Variants in AP3S2 observed in about 807,000 individuals in gnomAD.
The protein encoded by AP3S2 is AP-3 complex subunit sigma-2.
A neutral mutation model predicts 23.4 loss-of-function variants in AP3S2; 22 were observed. That is an observed-to-expected ratio of 0.94 (90% confidence interval 0.67 to 1.34). AP3S2 has a LOEUF of 1.34. Ranked by LOEUF, AP3S2 falls within the 40% of genes most tolerant of loss-of-function variation. The pLI is 0.00. For missense variants in AP3S2, 241 were observed against 236.9 expected, an observed-to-expected ratio of 1.02 and a Z score of -0.11; for synonymous variants, 86 against 87.1, an observed-to-expected ratio of 0.99 and a Z score of 0.07.
intron 4 of AP3S2, among the ~76,000 whole-genome samples, chr15:89,857,864 G>C (rs1327710933): frequency 6.6e-6 from 1 of 152,136 alleles, no homozygotes; most frequent in African/African-American, 2.4e-5. Flanking sequence ...GGGAGCATGT[G>C]ACTGATTTTG....
intron 3 of AP3S2, 27 bp from the exon 4 acceptor site, chr15:89,871,573 GAA>G: frequency 1.2e-6 from 2 of 1,609,736 alleles, no homozygotes; most frequent in Non-Finnish European, 8.5e-7. Flanking sequence ...AATAGATAAA[GAA>G]GAGAAATAGG....
intron 3 of AP3S2, among the ~76,000 whole-genome samples, chr15:89,884,890 C>G (rs1896658878): frequency 6.6e-6 from 1 of 152,106 alleles, no homozygotes; most frequent in Non-Finnish European, 1.5e-5. Flanking sequence ...CCTCGTGATC[C>G]TCCTGCCTCG....
chr15:89,886,330 C>T (rs1038222861), intron 3 of AP3S2, among the ~76,000 whole-genome samples: 1 of 151,834 alleles, frequency 6.6e-6, no homozygotes, highest in African/African-American at 2.4e-5. Flanking sequence ...GGCAACAGAG[C>T]AAGACTCCAT....
chr15:89,864,083 C>A (rs528333982), intron 4 of AP3S2, among the ~76,000 whole-genome samples: 23 of 152,250 alleles, frequency 1.5e-4, no homozygotes, highest in Admixed American at 7.2e-4. Context: ...TTTCCTAATA[C>A]TGCATGAACA....
intron 3 of AP3S2, among the ~76,000 whole-genome samples, chr15:89,885,877 G>GAGC: frequency 6.7e-6 from 1 of 149,894 alleles, no homozygotes; most frequent in African/African-American, 2.5e-5. Flanking sequence ...GGAGATGGAG[G>GAGC]CTGCAGTGAG....
At chr15:89,890,152 C>T (rs62020516) in intron 1 of AP3S2, among the ~76,000 whole-genome samples, 71,439 of 151,852 alleles carry the variant, frequency 0.47, 17,030 homozygotes, top group East Asian at 0.6. Context: ...CGGGTTCAAG[C>T]GATTCTCCTG....
chr15:89,851,154 T>C (rs1330234192), intron 4 of AP3S2, among the ~76,000 whole-genome samples: 1 of 152,196 alleles, frequency 6.6e-6, no homozygotes, highest in Non-Finnish European at 1.5e-5. Context: ...ATTAAACATG[T>C]ACAGAATTAA....
chr15:89,885,957 T>G (rs973383520), intron 3 of AP3S2, among the ~76,000 whole-genome samples: 1 of 131,110 alleles, frequency 7.6e-6, no homozygotes, highest in African/African-American at 2.9e-5. Flanking sequence ...AAAAAAAAAA[T>G]CAAACTTTTT....
At chr15:89,843,337 A>G (rs1296638804) in intron 4 of AP3S2, among the ~76,000 whole-genome samples, 1 of 151,456 alleles carries the variant, frequency 6.6e-6, no homozygotes, top group Non-Finnish European at 1.5e-5. Flanking sequence ...CTAACAGGTG[A>G]CTGGAAAAAC....
rs879017766 is a variant in AP3S2 at position 89,837,717 on chromosome 15, G to A, written c.351C>T (p.His117=). 6.2e-7 allele frequency: 1 copy of A among 1,613,956 alleles called. No individual in the cohort carries two copies. Among genetic ancestry groups the A allele is most frequent in the African/African-American group, 1.3e-5 (1 of 74,914 alleles). The stretch of plus-strand genomic sequence containing the variant: ...CCATCACCACCTCCTGGAGGATGTA[G>A]TGCACCTAAAAGGGAAGCAAAAATC... The part of the protein sequence containing the change: ...LDLIFHMDKV[H]YILQEVVMGG... Residue 117 remains histidine (H), a synonymous_variant, in exon 5 of 6, where the codon CAC becomes CAT. Coordinates refer to ENST00000336418, the MANE Select transcript of AP3S2 (RefSeq NM_005829.5).
chr15:89,855,467 A>G (rs958625123), intron 4 of AP3S2, among the ~76,000 whole-genome samples: 59 of 120,608 alleles, frequency 4.9e-4, no homozygotes, highest in African/African-American at 1.6e-3. Flanking sequence ...TCCCTCCACT[A>G]TTGTCCCATG....
intron 4 of AP3S2, chr15:89,865,719 GAAAATGTACA>G (rs1896101811): frequency 1.3e-5 from 2 of 152,048 alleles, no homozygotes; most frequent in Admixed American, 1.3e-4. Context: ...GATGTTTCAA[GAAAATGTACA>G]AAAATGTACA....
intron 3 of AP3S2, among the ~76,000 whole-genome samples, chr15:89,887,776 T>C (rs556095191): frequency 6.6e-6 from 1 of 152,332 alleles, no homozygotes; most frequent in African/African-American, 2.4e-5. Context: ...GTTCAAATAA[T>C]TCTCCTGCTT....
At chr15:89,881,297 A>C (rs1386540765) in intron 3 of AP3S2, among the ~76,000 whole-genome samples, 1 of 152,212 alleles carries the variant, frequency 6.6e-6, no homozygotes, top group Non-Finnish European at 1.5e-5. Context: ...CTCTGAACTT[A>C]ATACAGTATA....
rs559181694 is a variant in AP3S2 at position 89,853,551 on chromosome 15, T to C, written c.346-15829A>G. Among the ~76,000 whole-genome samples, 588 of 139,374 alleles carry C rather than the reference T, an allele frequency of 4.2e-3. 2 individuals are homozygous for C. Among genetic ancestry groups the C allele is most frequent in the Non-Finnish European group, 6.5e-3 (417 of 63,876 alleles). The allele number at this position is 139,374 out of a possible 152,430, so 91.4% of individuals were successfully genotyped here. On this transcript the variant is annotated intron_variant, in intron 4 of 5. Transcript: ENST00000336418. The stretch of plus-strand genomic sequence containing the variant: ...GCCACCCCGTCTGGGAAGTGAGGAG[T>C]GTCTCTGCCTGGCCGCCCATCGTCT...
intron 1 of AP3S2, 154 bp from the exon 2 acceptor site, chr15:89,889,294 G>A (rs2043880): frequency 0.75 from 573,214 of 768,194 alleles, 214,969 homozygotes; most frequent in Admixed American, 0.82. Context: ...AGAAAAAATA[G>A]GAGTGAATCT....
intron 4 of AP3S2, among the ~76,000 whole-genome samples, chr15:89,856,734 G>A (rs531882683): frequency 5.7e-5 from 8 of 140,696 alleles, no homozygotes; most frequent in East Asian, 4.1e-4. Context: ...TTCGCTGGGC[G>A]TGGTGGTGCG....
intron 1 of AP3S2, among the ~76,000 whole-genome samples, chr15:89,890,043 AAC>A (rs1896784929): frequency 6.6e-6 from 1 of 152,144 alleles, no homozygotes; most frequent in Non-Finnish European, 1.5e-5. Context: ...TAAAATTTTG[AAC>A]AGTTACAAAT....
intron 4 of AP3S2, among the ~76,000 whole-genome samples, chr15:89,862,582 T>C (rs1896031795): frequency 1.3e-5 from 2 of 152,114 alleles, no homozygotes; most frequent in Admixed American, 6.6e-5. Flanking sequence ...AGAAGGACAT[T>C]ACAGAAAAAA....
Sources: gnomAD v4.1 joint callset for allele counts (sites outside exome capture counted in the v4.1 genomes callset) on GRCh38, gnomAD v4.1.1 for gene constraint, MANE v1.5 for transcripts, NCBI Gene and HGNC (gene_info 2026-07-23, HGNC 2026-07-21) for gene names.